Variants in INSC observed in about 807,000 individuals in gnomAD.
The protein encoded by INSC is protein inscuteable homolog.
A neutral mutation model predicts 58.6 loss-of-function variants in INSC; 67 were observed. The ratio of observed to expected loss-of-function variants is 1.14; its 90% confidence interval spans 0.94 to 1.40. INSC has a LOEUF of 1.40. INSC is among the 40% of genes most tolerant of loss of function. The pLI is 0.00. For missense variants in INSC, 714 were observed against 692.0 expected (o/e 1.03, Z -0.36); for synonymous variants, 262 against 276.1 (o/e 0.95, Z 0.51).
chr11:15,262,860 C>T, the INSC span, among the ~76,000 whole-genome samples: 2 of 151,934 alleles, frequency 1.3e-5, no homozygotes, highest in Admixed American at 1.3e-4. Context: ...AAATACAGCA[C>T]TCTGAGAAAC....
downstream of INSC, chr11:15,247,240 C>G (rs1454664433): frequency 6.6e-6 from 1 of 151,960 alleles, no homozygotes. Context: ...CCTAATGAAC[C>G]AAGTCCTGGG....
At chr11:15,138,008 A>G (rs969867371) in intron 1 of INSC, among the ~76,000 whole-genome samples, 8 of 152,178 alleles carry the variant, frequency 5.3e-5, no homozygotes, top group African/African-American at 1.9e-4. Flanking sequence ...TTTAGAGGGC[A>G]TTGTAGGGTT....
intron 5 of INSC, among the ~76,000 whole-genome samples, chr11:15,186,678 A>G (rs1210532805): frequency 6.6e-6 from 1 of 152,186 alleles, no homozygotes; most frequent in Non-Finnish European, 1.5e-5. Flanking sequence ...TCTTCAGTAC[A>G]TCCAATCTTT....
At chr11:15,180,608 G>A (rs1849735955) in intron 5 of INSC, among the ~76,000 whole-genome samples, 1 of 147,432 alleles carries the variant, frequency 6.8e-6, no homozygotes, top group African/African-American at 2.5e-5. Flanking sequence ...TTGATGCCTG[G>A]CCTGGAAGCT....
chr11:15,223,108 G>C (rs1227268900), intron 8 of INSC, among the ~76,000 whole-genome samples: 1 of 152,218 alleles, frequency 6.6e-6, no homozygotes, highest in African/African-American at 2.4e-5. Context: ...CCCATGCACT[G>C]TCTAAAGGTG....
intron 1 of INSC, among the ~76,000 whole-genome samples, chr11:15,137,678 T>C (rs1810242952): frequency 6.6e-6 from 1 of 152,160 alleles, no homozygotes; most frequent in South Asian, 2.1e-4. Context: ...TAGAATGAGA[T>C]TGTTAGGGAC....
intron 10 of INSC, 34 bp from the exon 11 acceptor site, chr11:15,238,885 G>GAA: frequency 6.2e-7 from 1 of 1,602,330 alleles, no homozygotes; most frequent in Non-Finnish European, 8.5e-7. Context: ...TCCATGCTGG[G>GAA]GTAGGTACCA....
At chr11:15,169,686 C>T (rs1233741678) in intron 2 of INSC, among the ~76,000 whole-genome samples, 1 of 151,840 alleles carries the variant, frequency 6.6e-6, no homozygotes, top group Non-Finnish European at 1.5e-5. Context: ...GGATTACAGG[C>T]GTGTGTCACC....
intron 1 of INSC, among the ~76,000 whole-genome samples, chr11:15,147,162 C>A (rs1285579577): frequency 6.6e-6 from 1 of 152,114 alleles, no homozygotes; most frequent in Non-Finnish European, 1.5e-5. Context: ...CTTTTTTGTA[C>A]TTTAGTCAAA....
chr11:15,221,985 G>C (rs556816332), intron 8 of INSC, among the ~76,000 whole-genome samples: 2 of 152,270 alleles, frequency 1.3e-5, no homozygotes, highest in African/African-American at 4.8e-5. Flanking sequence ...CTCAGATCGA[G>C]AGACTCTGAT....
Position 15,140,568 on chromosome 11 carries a change from ATTTC to A in INSC, c.-45-8551_-45-8548del, listed in dbSNP as rs932865790. On this transcript the variant is annotated intron_variant, in intron 1 of 12. Transcript: ENST00000379556. ...AGTTGGTGTCTTATTCTTTTTTTTG[ATTTC>A]TTTCTTTCTTCTTTTTTTTTTTTTT... is the stretch of plus-strand genomic sequence containing the variant. Among the ~76,000 whole-genome samples, 9 of 140,342 alleles carry A rather than the reference ATTTC, an allele frequency of 6.4e-5. No homozygotes were observed. In the South Asian group the frequency reaches 1.2e-3, roughly 18 times the overall value. The allele number at this position is 140,342 out of a possible 152,430, so 92.1% of individuals were successfully genotyped here. A position where few individuals can be genotyped will look rare whatever the true frequency, so the allele number is the denominator to read the frequency against.
chr11:15,123,963 G>A (rs1423862920), intron 1 of INSC, among the ~76,000 whole-genome samples: 1 of 152,198 alleles, frequency 6.6e-6, no homozygotes, highest in Non-Finnish European at 1.5e-5. Flanking sequence ...ACTAAGTCCA[G>A]TGAGCCATCC....
At chr11:15,214,709 C>G (rs921363606) in intron 7 of INSC, among the ~76,000 whole-genome samples, 1 of 152,178 alleles carries the variant, frequency 6.6e-6, no homozygotes, top group Admixed American at 6.5e-5. Context: ...ATCCCCAGTG[C>G]AACTTTGTTG....
At chr11:15,136,806 C>A (rs1193964947) in intron 1 of INSC, among the ~76,000 whole-genome samples, 1 of 152,166 alleles carries the variant, frequency 6.6e-6, no homozygotes, top group East Asian at 1.9e-4. Context: ...GGATTGGAAT[C>A]AACTTCTTCC....
At chr11:15,190,968 T>C (rs1345371320) in intron 6 of INSC, among the ~76,000 whole-genome samples, 154 bp downstream of exon 6, 1 of 151,110 alleles carries the variant, frequency 6.6e-6, no homozygotes, top group Non-Finnish European at 1.5e-5. Context: ...ATCTGGGACT[T>C]GGTGTGTGCA....
At chr11:15,219,504 G>T (rs1404752485) in intron 7 of INSC, among the ~76,000 whole-genome samples, 1 of 152,130 alleles carries the variant, frequency 6.6e-6, no homozygotes, top group Non-Finnish European at 1.5e-5. Flanking sequence ...GGGTTTCAGA[G>T]CAGCAGTCTG....
At chr11:15,117,661 A>T (rs1051092255) in intron 1 of INSC, among the ~76,000 whole-genome samples, 1 of 152,268 alleles carries the variant, frequency 6.6e-6, no homozygotes, top group Non-Finnish European at 1.5e-5. Flanking sequence ...CAGAACAAAT[A>T]AATGAAAAAC....
chr11:15,200,803 G>A (rs1850554064), intron 6 of INSC, 21 bp from the exon 7 acceptor site: 3 of 1,613,786 alleles, frequency 1.9e-6, no homozygotes, highest in Non-Finnish European at 2.5e-6. Flanking sequence ...AAGATGATGT[G>A]ACATTTCTTT....
At chr11:15,136,121 C>T (rs972079337) in intron 1 of INSC, among the ~76,000 whole-genome samples, 2 of 152,084 alleles carry the variant, frequency 1.3e-5, no homozygotes, top group Admixed American at 6.6e-5. Flanking sequence ...GCCAATATTA[C>T]AATAAAGAGA....
Sources: allele counts gnomAD v4.1 joint callset (sites outside exome capture counted in the v4.1 genomes callset), GRCh38; gene constraint gnomAD v4.1.1; transcripts MANE v1.5; gene names NCBI Gene and HGNC (gene_info 2026-07-23, HGNC 2026-07-21).